Variants in KLF15 observed in about 807,000 individuals in gnomAD.
KLF15 encodes Krueppel-like factor 15.
In KLF15, 4 loss-of-function variants were observed where a neutral mutation model predicts 24.6. That is an observed-to-expected ratio of 0.16 (90% CI 0.08 to 0.37). KLF15 has a LOEUF of 0.37. Ranked by LOEUF, KLF15 falls within the 10% of genes least tolerant of loss-of-function variation. The pLI is 1.00. For missense variants in KLF15, 496 were observed against 560.6 expected (o/e 0.88, Z 1.16); for synonymous variants, 246 against 236.3 (o/e 1.04, Z -0.37).
chr3:126,289,304 C>T, the KLF15 span, among the ~76,000 whole-genome samples: 1 of 152,092 alleles, frequency 6.6e-6, no homozygotes, highest in Non-Finnish European at 1.5e-5. Context: ...ACCTGGAAAC[C>T]GTAAAGGAAA....
the KLF15 span, among the ~76,000 whole-genome samples, chr3:126,301,726 T>C: frequency 2.7e-4 from 40 of 150,454 alleles, no homozygotes; most frequent in African/African-American, 4.9e-4. Context: ...GCAATTCTCC[T>C]GCCTCAGCCT....
downstream of KLF15, among the ~76,000 whole-genome samples, chr3:126,338,031 G>A (rs531044771): frequency 1.5e-3 from 222 of 152,372 alleles, no homozygotes; most frequent in African/African-American, 5.0e-3. Context: ...CATCTGGAAA[G>A]CATTTTGCCA....
chr3:126,304,228 A>C, the KLF15 span, among the ~76,000 whole-genome samples: 1 of 152,178 alleles, frequency 6.6e-6, no homozygotes, highest in East Asian at 1.9e-4. Flanking sequence ...ATTGGGAAGC[A>C]GTTTGATCAT....
chr3:126,312,203 G>C, the KLF15 span, among the ~76,000 whole-genome samples: 1 of 152,106 alleles, frequency 6.6e-6, no homozygotes, highest in Non-Finnish European at 1.5e-5. Context: ...TTAGAGTTAG[G>C]GTCTTGCTTT....
chr3:126,297,000 C>G, the KLF15 span, among the ~76,000 whole-genome samples: 1 of 152,106 alleles, frequency 6.6e-6, no homozygotes, highest in Non-Finnish European at 1.5e-5. Context: ...GACTTGAACT[C>G]TGGGCTGAAG....
chr3:126,295,628 A>G, the KLF15 span, among the ~76,000 whole-genome samples: 12 of 152,298 alleles, frequency 7.9e-5, no homozygotes, highest in African/African-American at 2.9e-4. Context: ...ATGGCTACCA[A>G]CAAGTGAGAC....
the KLF15 span, among the ~76,000 whole-genome samples, chr3:126,313,218 G>A: frequency 4.5e-3 from 681 of 152,308 alleles, 8 homozygotes; most frequent in African/African-American, 0.015. Context: ...GGGACACAGC[G>A]AAAAGGCGGC....
chr3:126,324,755 CT>C, the KLF15 span, among the ~76,000 whole-genome samples: 23,645 of 109,466 alleles, frequency 0.22, 2,571 homozygotes, highest in Admixed American at 0.34. Flanking sequence ...GTGATGTTAA[CT>C]TTTTTTTTTT....
the KLF15 span, among the ~76,000 whole-genome samples, chr3:126,312,335 T>C: frequency 3.3e-5 from 5 of 152,120 alleles, no homozygotes; most frequent in African/African-American, 1.2e-4. Flanking sequence ...CACCATGCCC[T>C]GTTAATTTTT....
the KLF15 span, among the ~76,000 whole-genome samples, chr3:126,298,488 T>C: frequency 6.6e-6 from 1 of 152,066 alleles, no homozygotes; most frequent in Admixed American, 6.5e-5. Context: ...ATCTCATTTA[T>C]TTATTTTGTC....
At chr3:126,327,145 C>G in the KLF15 span, among the ~76,000 whole-genome samples, 1 of 152,176 alleles carries the variant, frequency 6.6e-6, no homozygotes. Flanking sequence ...GTGGTCACAT[C>G]TCATGGTCTC....
the KLF15 span, among the ~76,000 whole-genome samples, chr3:126,324,782 C>CT: frequency 4.8e-5 from 3 of 62,492 alleles, no homozygotes; most frequent in East Asian, 3.9e-4. Context: ...GATCTTTTTG[C>CT]TTTTAATTTT....
chr3:126,329,454 C>T, the KLF15 span, among the ~76,000 whole-genome samples: 4 of 152,118 alleles, frequency 2.6e-5, no homozygotes, highest in African/African-American at 9.7e-5. Context: ...CTCTGCACTC[C>T]AGCCTGGGCA....
the KLF15 span, among the ~76,000 whole-genome samples, chr3:126,336,924 C>A: frequency 2.2e-5 from 1 of 46,506 alleles, no homozygotes; most frequent in South Asian, 9.6e-4. Context: ...AGTCAAGAAA[C>A]AACAGGTGCT....
At chr3:126,343,999 A>T in intron 2 of KLF15, 104 bp from the exon 3 acceptor site, 1 of 1,244,728 alleles carries the variant, frequency 8.0e-7, no homozygotes, top group Non-Finnish European at 1.1e-6. Context: ...GCACTCACCC[A>T]AAGGGTGGCT....
the KLF15 span, among the ~76,000 whole-genome samples, chr3:126,300,325 C>T: frequency 6.6e-6 from 1 of 152,190 alleles, no homozygotes; most frequent in Non-Finnish European, 1.5e-5. Context: ...CAACTGGACC[C>T]CACCACCTCA....
chr3:126,297,179 C>T, the KLF15 span, among the ~76,000 whole-genome samples: 3 of 151,874 alleles, frequency 2.0e-5, no homozygotes, highest in African/African-American at 7.3e-5. Flanking sequence ...TATACTTGCC[C>T]TGTTTTATAT....
the KLF15 span, among the ~76,000 whole-genome samples, chr3:126,296,314 T>A: frequency 6.6e-6 from 1 of 152,116 alleles, no homozygotes; most frequent in African/African-American, 2.4e-5. Context: ...TTCACGCCAT[T>A]CTCCTGCCTC....
the KLF15 span, among the ~76,000 whole-genome samples, chr3:126,299,238 T>TATGTATGTATGTATG: frequency 5.3e-5 from 5 of 93,590 alleles, no homozygotes; most frequent in African/African-American, 1.7e-4. Context: ...ATGTATGTAT[T>TATGTATGTATGTATG]TGTTTATTTA....
Sources: gnomAD v4.1 joint callset for allele counts (sites outside exome capture counted in the v4.1 genomes callset) on GRCh38, gnomAD v4.1.1 for gene constraint, MANE v1.5 for transcripts, NCBI Gene and HGNC (gene_info 2026-07-23, HGNC 2026-07-21) for gene names.